ANKS1B: variants seen among roughly 807,000 people sequenced by gnomAD.
The protein encoded by ANKS1B is ankyrin repeat and sterile alpha motif domain containing 1B, also known as ankyrin repeat and sterile alpha motif domain-containing protein 1B.
In ANKS1B, 36 loss-of-function variants were observed where a neutral mutation model predicts 148.3. The observed-to-expected ratio is 0.24, with a 90% CI of 0.19 to 0.32. The LOEUF is 0.32. ANKS1B is among the 10% of genes least tolerant of loss of function. The pLI, the probability that ANKS1B is intolerant of heterozygous loss-of-function variation, is 1.00. For synonymous variants in ANKS1B, 542 were observed against 560.8 expected, an observed-to-expected ratio of 0.97 and a Z score of 0.47; for missense variants, 1,157 against 1,542.6, an observed-to-expected ratio of 0.75 and a Z score of 4.19.
At chr12:99,096,210 CAG>C (rs1451802249) in intron 15 of ANKS1B, among the ~76,000 whole-genome samples, 1 of 152,086 alleles carries the variant, frequency 6.6e-6, no homozygotes, top group Non-Finnish European at 1.5e-5. Context: ...CTTGAGAAGT[CAG>C]AGTTTTTATT....
chr12:99,155,172 C>T (rs771280663), intron 14 of ANKS1B: 16 of 1,389,662 alleles, frequency 1.2e-5, no homozygotes, highest in African/African-American at 7.3e-5. Context: ...ACAGAGCTCA[C>T]GACAGGTTCC....
intron 14 of ANKS1B, among the ~76,000 whole-genome samples, chr12:99,155,645 T>A (rs919192319): frequency 1.5e-4 from 23 of 152,136 alleles, no homozygotes; most frequent in African/African-American, 5.6e-4. Context: ...AGTAATTTAT[T>A]TAATAATTGG....
In ANKS1B at chr12:98,744,844, CA is replaced by C; in HGVS notation, c.*894del. 1 of 984,210 alleles carries C rather than the reference CA, an allele frequency of 1.0e-6. No homozygotes were observed. The highest frequency in any genetic ancestry group is 1.2e-6 in the Non-Finnish European group (1 of 829,634). 61.0% of individuals were successfully genotyped at this position (984,210 alleles called of 1,614,324 possible). A position where few individuals can be genotyped will look rare whatever the true frequency, so the allele number is the denominator to read the frequency against. ...TTAAAACACTGTGAAGATTAAAAAA[CA>C]ATCTTGGCAGGCTGATGGCTGCGTC... On this transcript the variant is annotated 3_prime_UTR_variant, in exon 27 of 27. Transcript: ENST00000683438.
intron 12 of ANKS1B, among the ~76,000 whole-genome samples, chr12:99,302,404 T>C: frequency 6.6e-6 from 1 of 152,252 alleles, no homozygotes; most frequent in South Asian, 2.1e-4. Flanking sequence ...ACAGTAGCAT[T>C]ACCATTTCAT....
At chr12:99,453,660 G>A (rs2095797345) in intron 10 of ANKS1B, among the ~76,000 whole-genome samples, 3 of 152,178 alleles carry the variant, frequency 2.0e-5, no homozygotes, top group South Asian at 4.1e-4. Context: ...CTAGTTTCCT[G>A]ACCCTGTGAG....
At chr12:98,935,456 C>G (rs903999977) in intron 17 of ANKS1B, among the ~76,000 whole-genome samples, 1 of 152,154 alleles carries the variant, frequency 6.6e-6, no homozygotes, top group African/African-American at 2.4e-5. Flanking sequence ...CTGTCTTTAT[C>G]TGGCTTTGGT....
intron 1 of ANKS1B, among the ~76,000 whole-genome samples, chr12:99,840,920 C>T (rs2085634369): frequency 1.3e-5 from 2 of 152,124 alleles, no homozygotes; most frequent in Non-Finnish European, 2.9e-5. Context: ...ATGCTTGCTA[C>T]TGGATTCTCA....
intron 15 of ANKS1B, among the ~76,000 whole-genome samples, chr12:99,089,193 T>C (rs544328452): frequency 6.6e-6 from 1 of 151,894 alleles, no homozygotes; most frequent in Non-Finnish European, 1.5e-5. Flanking sequence ...ACATAACTTT[T>C]AGGTCAATGA....
chr12:99,245,244 TATAAGATCTAA>T (rs1006253573), intron 13 of ANKS1B, among the ~76,000 whole-genome samples: 46 of 152,302 alleles, frequency 3.0e-4, no homozygotes, highest in African/African-American at 1.0e-3. Context: ...ACAACTTAAT[TATAAGATCTAA>T]GTTAAATGTT....
chr12:99,105,828 A>G (rs1359865376), intron 15 of ANKS1B, among the ~76,000 whole-genome samples: 1 of 151,844 alleles, frequency 6.6e-6, no homozygotes, highest in African/African-American at 2.4e-5. Context: ...ACTGCCTGGT[A>G]CCATATTATG....
intron 8 of ANKS1B, among the ~76,000 whole-genome samples, chr12:99,680,878 T>TC (rs1003830022): frequency 2.6e-5 from 4 of 151,960 alleles, no homozygotes; most frequent in African/African-American, 9.7e-5. Context: ...TGCCAGCTTT[T>TC]CCCCACTTCC....
At chr12:99,396,684 T>C (rs1388389259) in intron 12 of ANKS1B, among the ~76,000 whole-genome samples, 1 of 152,134 alleles carries the variant, frequency 6.6e-6, no homozygotes, top group Non-Finnish European at 1.5e-5. Flanking sequence ...TGGTGGTCAG[T>C]TTCAGAGTGG....
chr12:99,910,790 C>T (rs529818231), intron 1 of ANKS1B, among the ~76,000 whole-genome samples: 7 of 146,366 alleles, frequency 4.8e-5, no homozygotes, highest in African/African-American at 1.7e-4. Context: ...CATATATATA[C>T]ATACTCATTT....
chr12:99,002,944 T>C (rs1371942429), intron 17 of ANKS1B, among the ~76,000 whole-genome samples: 1 of 152,250 alleles, frequency 6.6e-6, no homozygotes, highest in Non-Finnish European at 1.5e-5. Flanking sequence ...TTATGCTTTC[T>C]CCCAGTGGTT....
At chr12:98,857,506 A>G (rs202234521) in intron 17 of ANKS1B, among the ~76,000 whole-genome samples, 7 of 125,134 alleles carry the variant, frequency 5.6e-5, no homozygotes, top group Admixed American at 1.7e-4. Flanking sequence ...AAAGGGACAC[A>G]TGTTTCTCTG....
intron 17 of ANKS1B, among the ~76,000 whole-genome samples, chr12:98,835,944 C>G (rs2099360286): frequency 6.6e-6 from 1 of 152,200 alleles, no homozygotes; most frequent in African/African-American, 2.4e-5. Flanking sequence ...TGGTTATACA[C>G]AAATATAAAT....
intron 1 of ANKS1B, among the ~76,000 whole-genome samples, chr12:99,954,007 G>A (rs987783629): frequency 2.0e-5 from 3 of 152,120 alleles, no homozygotes; most frequent in South Asian, 2.1e-4. Context: ...AAGAAATAGC[G>A]GCAGCAAGAA....
intron 9 of ANKS1B, among the ~76,000 whole-genome samples, chr12:99,622,752 G>A (rs921517652): frequency 6.6e-6 from 1 of 151,714 alleles, no homozygotes; most frequent in African/African-American, 2.4e-5. Context: ...GAATCAGTAA[G>A]AAAAAACTTA....
chr12:99,392,427 T>C (rs1432694745), intron 12 of ANKS1B, among the ~76,000 whole-genome samples: 2 of 152,272 alleles, frequency 1.3e-5, no homozygotes, highest in African/African-American at 2.4e-5. Flanking sequence ...GTTTTTGTTA[T>C]TTCTCCCACT....
Sources: gnomAD v4.1 joint callset for allele counts (sites outside exome capture counted in the v4.1 genomes callset) on GRCh38, gnomAD v4.1.1 for gene constraint, MANE v1.5 for transcripts, NCBI Gene and HGNC (gene_info 2026-07-23, HGNC 2026-07-21) for gene names.